PCSK5: variants seen among roughly 807,000 people sequenced by gnomAD.
PCSK5 encodes proprotein convertase subtilisin/kexin type 5, also known as prohormone convertase 5.
Under a neutral mutation model 233.2 loss-of-function variants are expected in PCSK5, and 129 were observed. The ratio of observed to expected loss-of-function variants is 0.55; its 90% CI spans 0.48 to 0.64. The LOEUF is 0.64. Ranked by LOEUF, PCSK5 falls within the 30% of genes least tolerant of loss-of-function variation. The pLI is 0.00. For missense variants in PCSK5, 2,076 were observed against 2,430.1 expected (o/e 0.85, Z 3.06); for synonymous variants, 825 against 879.2 (o/e 0.94, Z 1.09).
chr9:76,275,910 G>C (rs1354915363), intron 24 of PCSK5, among the ~76,000 whole-genome samples: 2 of 152,140 alleles, frequency 1.3e-5, no homozygotes, highest in Non-Finnish European at 2.9e-5. Context: ...CAAATTCCTT[G>C]AGGTAGGGAC....
chr9:76,258,828 A>G (rs889499649), intron 24 of PCSK5, among the ~76,000 whole-genome samples: 1 of 152,204 alleles, frequency 6.6e-6, no homozygotes, highest in Admixed American at 6.5e-5. Context: ...GAGTACGGTC[A>G]TTTACCCCCT....
chr9:76,091,585 T>C (rs1250088523), intron 7 of PCSK5, among the ~76,000 whole-genome samples: 2 of 152,186 alleles, frequency 1.3e-5, no homozygotes, highest in African/African-American at 4.8e-5. Context: ...CTTCTCTCCA[T>C]GAGCTCTGTG....
chr9:75,935,045 A>C (rs1173021167), intron 2 of PCSK5, among the ~76,000 whole-genome samples: 1 of 152,090 alleles, frequency 6.6e-6, no homozygotes, highest in Admixed American at 6.6e-5. Context: ...CTTTCTGTCT[A>C]CACACACATG....
intron 5 of PCSK5, among the ~76,000 whole-genome samples, chr9:76,050,640 C>T (rs908352385): frequency 2.6e-5 from 4 of 152,186 alleles, no homozygotes; most frequent in Non-Finnish European, 4.4e-5. Flanking sequence ...AGCAGAAATT[C>T]TTATAACACC....
chr9:76,193,413 G>GAAAAGAAAA lies in PCSK5; in HGVS notation c.2626+3671_2626+3672insGAAAAAAAA, dbSNP rs1554704159. ...ATAGATTATTCCATATTATTAAAAA[G>GAAAAGAAAA]AAAAAAGCCAAAAAGAAAAAAAAAA... On this transcript the variant is annotated intron_variant, in intron 20 of 37. Transcript: ENST00000674117. 7.6e-4 allele frequency: 750 copies of GAAAAGAAAA among 981,774 alleles called. 6 individuals are homozygous for GAAAAGAAAA. The highest frequency in any genetic ancestry group is 1.1e-3 in the Admixed American group (28 of 25,858). 60.8% of individuals were successfully genotyped at this position (981,774 alleles called of 1,614,324 possible). A position where few individuals can be genotyped will look rare whatever the true frequency, so the allele number is the denominator to read the frequency against.
chr9:76,264,116 A>T (rs58499632), intron 24 of PCSK5, among the ~76,000 whole-genome samples: 2,949 of 152,316 alleles, frequency 0.019, 69 homozygotes, highest in Middle Eastern at 0.058. Flanking sequence ...AAACATATGG[A>T]TCAATGAAAC....
chr9:76,168,396 C>T (rs1823179807), intron 12 of PCSK5, among the ~76,000 whole-genome samples: 1 of 152,228 alleles, frequency 6.6e-6, no homozygotes, highest in South Asian at 2.1e-4. Flanking sequence ...GATCTGCCCA[C>T]CTCAGCCTCT....
At chr9:75,904,540 A>G (rs1826180243) in intron 1 of PCSK5, among the ~76,000 whole-genome samples, 1 of 152,256 alleles carries the variant, frequency 6.6e-6, no homozygotes, top group Non-Finnish European at 1.5e-5. Flanking sequence ...CTAAAGATGT[A>G]TAACATCATT....
chr9:76,107,249 A>G lies in PCSK5; in HGVS notation c.1108-2A>G, dbSNP rs1832015516. On this transcript the variant is annotated splice_acceptor_variant, in intron 8 of 37. Coordinates refer to ENST00000674117, the MANE Select transcript of PCSK5 (RefSeq NM_001372043.1). LOFTEE classifies it high-confidence loss of function. ...ATCTAAACTTTTCACTTTGTTTTCCAGATCACTACAGATCTGAGGCAGCGT... is the reference window on the plus strand; with the variant it reads ...ATCTAAACTTTTCACTTTGTTTTCCGGATCACTACAGATCTGAGGCAGCGT... 1 of 1,595,626 alleles carries G rather than the reference A, an allele frequency of 6.3e-7. No individual in the cohort carries two copies.
chr9:76,031,733 T>A (rs1193463167), intron 5 of PCSK5, among the ~76,000 whole-genome samples: 2 of 152,144 alleles, frequency 1.3e-5, no homozygotes, highest in African/African-American at 2.4e-5. Context: ...ATCAATAAAA[T>A]GTGTAAAATA....
At chr9:76,303,848 C>T (rs1828694200) in intron 28 of PCSK5, among the ~76,000 whole-genome samples, 1 of 152,160 alleles carries the variant, frequency 6.6e-6, no homozygotes, top group Admixed American at 6.5e-5. Context: ...GAGAATACAT[C>T]AGTCAATCAT....
At position 76,189,694 on chromosome 9, in the gene PCSK5, T is replaced by C; in HGVS notation, c.2574T>C (p.Ser858=). The C allele has an allele frequency of 1.2e-6, 2 of 1,613,056 alleles. No homozygotes were observed. The highest frequency in any genetic ancestry group is 2.2e-5 in the East Asian group (1 of 44,818). ...TCAAGAACTGTACAAGCTGCCCTAG[T>C]GGGTATCTCTTAGACTTAGGAATGT... ...PGFKNCTSCP[S]GYLLDLGMCQ... is the part of the protein sequence containing the mutation. Residue 858 remains serine, a synonymous_variant, in exon 20 of 38, where the codon AGT becomes AGC. Coordinates refer to ENST00000674117, the MANE Select transcript of PCSK5 (RefSeq NM_001372043.1).
intron 1 of PCSK5, among the ~76,000 whole-genome samples, chr9:75,913,888 A>G (rs1822865521): frequency 6.6e-6 from 1 of 152,178 alleles, no homozygotes; most frequent in South Asian, 2.1e-4. Flanking sequence ...TTATGTATAT[A>G]GAAGTAGCCT....
chr9:76,240,806 C>CAACGT, intron 24 of PCSK5, 122 bp downstream of exon 24: 2 of 692,988 alleles, frequency 2.9e-6, no homozygotes, highest in East Asian at 5.4e-5. Context: ...GTGACACCAT[C>CAACGT]AACGTCTTAA....
intron 9 of PCSK5, among the ~76,000 whole-genome samples, chr9:76,122,048 C>G (rs1357800090): frequency 4.4e-5 from 2 of 45,108 alleles, no homozygotes; most frequent in Non-Finnish European, 1.2e-4. Flanking sequence ...TGGTCTCGAT[C>G]TCCTGACCTC....
rs116712167 is a variant in PCSK5 at position 76,042,553 on chromosome 9, G to T, written c.632+15516G>T. Among the ~76,000 whole-genome samples, 1,144 of 152,296 alleles carry T rather than the reference G, an allele frequency of 7.5e-3. 5 individuals carry two copies. The highest frequency in any genetic ancestry group is 0.024 in the African/African-American group (994 of 41,546). On this transcript the variant is annotated intron_variant, in intron 5 of 37. Transcript: ENST00000674117. ...GCCTGTAATCCCAGCTACTAGGGGGGGCTGAGGTGGGAGAATAGCTTGAAC... is the reference window on the plus strand; with the variant it reads ...GCCTGTAATCCCAGCTACTAGGGGGTGCTGAGGTGGGAGAATAGCTTGAAC...
chr9:75,920,745 G>A (rs1823220535), intron 1 of PCSK5, among the ~76,000 whole-genome samples: 2 of 152,068 alleles, frequency 1.3e-5, no homozygotes, highest in Non-Finnish European at 2.9e-5. Flanking sequence ...AGCGGAGGTT[G>A]CAGAGAGCCG....
intron 2 of PCSK5, among the ~76,000 whole-genome samples, chr9:75,978,103 A>G (rs1826107908): frequency 6.6e-6 from 1 of 152,210 alleles, no homozygotes; most frequent in Non-Finnish European, 1.5e-5. Context: ...GACAGGATTA[A>G]GCCTAAATTT....
intron 3 of PCSK5, among the ~76,000 whole-genome samples, chr9:76,000,267 C>T (rs4744779): frequency 0.011 from 1,684 of 152,196 alleles, 18 homozygotes; most frequent in South Asian, 0.033. Context: ...CAAGTTCTAT[C>T]CCTGATATTA....
Sources: gnomAD v4.1 joint callset for allele counts (sites outside exome capture counted in the v4.1 genomes callset) on GRCh38, gnomAD v4.1.1 for gene constraint, MANE v1.5 for transcripts, NCBI Gene and HGNC (gene_info 2026-07-23, HGNC 2026-07-21) for gene names.